Variants in BABAM2 observed in about 807,000 individuals in gnomAD.
BABAM2 encodes BRISC and BRCA1 A complex member 2, also known as BRISC and BRCA1-A complex member 2.
BABAM2 carries 31 observed loss-of-function variants against 54.7 expected under a neutral mutation model. The observed-to-expected ratio is 0.57, with a 90% CI of 0.43 to 0.77. The LOEUF is 0.77. Among genes scored for constraint, BABAM2 ranks in the 30% least tolerant of loss-of-function variants. The pLI, the probability that BABAM2 is intolerant of heterozygous loss-of-function variation, is 0.00. For missense variants in BABAM2, 364 were observed against 455.8 expected (o/e 0.80, Z 1.83); for synonymous variants, 167 against 162.9 (o/e 1.03, Z -0.19).
intron 7 of BABAM2, among the ~76,000 whole-genome samples, chr2:28,139,927 C>T (rs571363843): frequency 1.3e-5 from 2 of 152,300 alleles, no homozygotes; most frequent in Middle Eastern, 3.4e-3. Context: ...CTAGTTGCCA[C>T]ATTACAGACA....
chr2:27,935,186 C>T (rs921028200), intron 3 of BABAM2, among the ~76,000 whole-genome samples: 1 of 152,190 alleles, frequency 6.6e-6, no homozygotes, highest in African/African-American at 2.4e-5. Flanking sequence ...ATTTATCATT[C>T]TGAAAATCCT....
At chr2:28,098,591 C>G (rs1666814448) in intron 6 of BABAM2, among the ~76,000 whole-genome samples, 1 of 152,130 alleles carries the variant, frequency 6.6e-6, no homozygotes, top group Non-Finnish European at 1.5e-5. Context: ...AGTAGCTACC[C>G]TTGCTTCCCT....
intron 7 of BABAM2, among the ~76,000 whole-genome samples, chr2:28,191,097 C>T (rs1367767613): frequency 1.3e-5 from 2 of 152,132 alleles, no homozygotes; most frequent in African/African-American, 4.8e-5. Flanking sequence ...ATACAAAGAA[C>T]TGTTACAACT....
chr2:28,026,592 G>A (rs1675683135), intron 5 of BABAM2, among the ~76,000 whole-genome samples: 1 of 150,402 alleles, frequency 6.6e-6, no homozygotes, highest in Non-Finnish European at 1.5e-5. Flanking sequence ...GTGGGGAGGA[G>A]GCTAGGGGAG....
At chr2:28,015,170 A>G (rs957701087) in intron 4 of BABAM2, among the ~76,000 whole-genome samples, 10 of 152,144 alleles carry the variant, frequency 6.6e-5, no homozygotes, top group Non-Finnish European at 4.4e-5. Context: ...CCTTCCTGTG[A>G]AGCATGGCTG....
intron 7 of BABAM2, among the ~76,000 whole-genome samples, chr2:28,164,633 C>T (rs1673451416): frequency 6.6e-6 from 1 of 151,620 alleles, no homozygotes; most frequent in East Asian, 1.9e-4. Flanking sequence ...AAGAGCTATT[C>T]GTGTGAGGAA....
chr2:28,314,391 C>T (rs1334789316), intron 11 of BABAM2, among the ~76,000 whole-genome samples: 7 of 152,194 alleles, frequency 4.6e-5, no homozygotes, highest in Admixed American at 6.5e-5. Context: ...TGGTTTCATA[C>T]TGCACCACCT....
chr2:27,994,336 C>G (rs1672984242), intron 4 of BABAM2, among the ~76,000 whole-genome samples: 1 of 152,176 alleles, frequency 6.6e-6, no homozygotes. Flanking sequence ...TAACAAATAA[C>G]ATTTATACAG....
chr2:27,939,240 C>T (rs1196215480), intron 3 of BABAM2, among the ~76,000 whole-genome samples: 2 of 152,164 alleles, frequency 1.3e-5, no homozygotes, highest in East Asian at 1.9e-4. Context: ...CATGAGCCAC[C>T]GCGCTTGGCC....
At chr2:28,187,655 C>T (rs1368069694) in intron 7 of BABAM2, among the ~76,000 whole-genome samples, 5 of 140,524 alleles carry the variant, frequency 3.6e-5, no homozygotes, top group African/African-American at 1.3e-4. Flanking sequence ...TAAAACAGAA[C>T]TTTGGAATTT....
chr2:27,919,719 C>T (rs572550677), intron 2 of BABAM2, among the ~76,000 whole-genome samples: 6 of 152,200 alleles, frequency 3.9e-5, no homozygotes, highest in South Asian at 2.1e-4. Context: ...GATTTTTTCC[C>T]GATCCTAGTT....
intron 6 of BABAM2, among the ~76,000 whole-genome samples, chr2:28,097,611 T>C (rs1178338814): frequency 6.6e-6 from 1 of 152,202 alleles, no homozygotes; most frequent in Non-Finnish European, 1.5e-5. Flanking sequence ...CTCTGTCCTT[T>C]TGATATTTTG....
At chr2:27,897,570 C>T (rs781062392) in intron 2 of BABAM2, among the ~76,000 whole-genome samples, 5 of 151,062 alleles carry the variant, frequency 3.3e-5, no homozygotes, top group Non-Finnish European at 5.9e-5. Flanking sequence ...GTTAACTATA[C>T]ACATTAGGGG....
intron 7 of BABAM2, among the ~76,000 whole-genome samples, chr2:28,184,421 T>A (rs1676050552): frequency 6.6e-6 from 1 of 151,932 alleles, no homozygotes; most frequent in South Asian, 2.1e-4. Flanking sequence ...GTTGGTGTGC[T>A]GCACCCATGA....
chr2:28,181,336 CT>C (rs1476444532), intron 7 of BABAM2, among the ~76,000 whole-genome samples: 2 of 152,142 alleles, frequency 1.3e-5, no homozygotes, highest in Non-Finnish European at 2.9e-5. Context: ...CAACATGGAA[CT>C]GCAGGTTAAG....
chr2:28,219,969 T>C (rs1399716485), intron 7 of BABAM2, among the ~76,000 whole-genome samples: 2 of 152,206 alleles, frequency 1.3e-5, no homozygotes, highest in African/African-American at 2.4e-5. Context: ...GGCTCAGTGC[T>C]GCTGTTTCCT....
chr2:27,987,935 C>T, intron 3 of BABAM2, 58 bp from the exon 4 acceptor site: 1 of 1,453,676 alleles, frequency 6.9e-7, no homozygotes, highest in South Asian at 1.2e-5. Flanking sequence ...ATACAGTCTT[C>T]AGAATATTCA....
intron 6 of BABAM2, among the ~76,000 whole-genome samples, chr2:28,060,392 A>G (rs1282047933): frequency 2.0e-5 from 3 of 152,214 alleles, no homozygotes; most frequent in South Asian, 2.1e-4. Flanking sequence ...TATAGCTAGT[A>G]TCATACTTGA....
chr2:27,892,395 A>G (rs1664931776), intron 1 of BABAM2: 1 of 152,196 alleles, frequency 6.6e-6, no homozygotes, highest in Non-Finnish European at 1.5e-5. Flanking sequence ...GCAAGAGATA[A>G]AGTAATAATG....
Sources: allele counts gnomAD v4.1 joint callset (sites outside exome capture counted in the v4.1 genomes callset), GRCh38; gene constraint gnomAD v4.1.1; transcripts MANE v1.5; gene names NCBI Gene and HGNC (gene_info 2026-07-23, HGNC 2026-07-21).